The following TNKS variants were observed in gnomAD, a reference collection of about 807,000 sequenced individuals.
The protein encoded by TNKS is tankyrase, also known as poly [ADP-ribose] polymerase tankyrase-1.
In TNKS, 72 loss-of-function variants were observed where a neutral mutation model predicts 135.8. The ratio of observed to expected loss-of-function variants is 0.53; its 90% CI spans 0.44 to 0.64. The LOEUF (loss-of-function observed/expected upper bound fraction) is 0.64, where lower values mean the gene tolerates loss of function less well. TNKS is among the 30% of genes least tolerant of loss of function. The pLI is 0.00. For synonymous variants in TNKS, 849 were observed against 649.3 expected, an observed-to-expected ratio of 1.31 and a Z score of -4.68; for missense variants, 1,769 against 1,674.0, an observed-to-expected ratio of 1.06 and a Z score of -0.99.
chr8:9,687,537 A>G (rs1246679293), intron 5 of TNKS, among the ~76,000 whole-genome samples: 1 of 152,178 alleles, frequency 6.6e-6, no homozygotes, highest in African/African-American at 2.4e-5. Context: ...CTATTTTGTC[A>G]AGCATGACAT....
chr8:9,768,366 G>T (rs773471467), intron 25 of TNKS, among the ~76,000 whole-genome samples: 7 of 152,228 alleles, frequency 4.6e-5, no homozygotes, highest in Non-Finnish European at 8.8e-5. Context: ...TCTCCGGAGA[G>T]GCTGTATCAA....
At chr8:9,682,820 TA>T (rs1563165010) in intron 5 of TNKS, among the ~76,000 whole-genome samples, 2 of 150,922 alleles carry the variant, frequency 1.3e-5, no homozygotes, top group Non-Finnish European at 3.0e-5. Flanking sequence ...AATATTATTA[TA>T]TTAATTTATT....
chr8:9,750,339 G>T (rs956318476), intron 18 of TNKS, among the ~76,000 whole-genome samples: 14 of 152,156 alleles, frequency 9.2e-5, no homozygotes, highest in Non-Finnish European at 1.9e-4. Context: ...AATGTTAGGT[G>T]AATACATTTC....
chr8:9,744,398 G>C (rs1355462885), intron 17 of TNKS, among the ~76,000 whole-genome samples: 1 of 152,062 alleles, frequency 6.6e-6, no homozygotes, highest in Non-Finnish European at 1.5e-5. Flanking sequence ...ATAACATTTG[G>C]GGAATTTCAT....
intron 5 of TNKS, among the ~76,000 whole-genome samples, chr8:9,702,470 T>G (rs1803851333): frequency 6.6e-6 from 1 of 152,192 alleles, no homozygotes. Context: ...GTAACAGATT[T>G]CTAGGCTTGA....
At chr8:9,635,442 C>G (rs1800473860) in intron 3 of TNKS, among the ~76,000 whole-genome samples, 1 of 152,134 alleles carries the variant, frequency 6.6e-6, no homozygotes, top group Admixed American at 6.5e-5. Flanking sequence ...GGAAAATCAC[C>G]ATTTGCAACC....
intron 2 of TNKS, among the ~76,000 whole-genome samples, chr8:9,597,721 C>G (rs1021396424): frequency 4.6e-5 from 7 of 152,256 alleles, no homozygotes; most frequent in Middle Eastern, 3.4e-3. Context: ...GTAAGCAGCT[C>G]TCTTTCAAGC....
chr8:9,652,152 C>T (rs757769011), intron 3 of TNKS, among the ~76,000 whole-genome samples: 6 of 152,130 alleles, frequency 3.9e-5, no homozygotes, highest in Admixed American at 6.5e-5. Context: ...AATAGGTCAC[C>T]AGCTAGAATA....
chr8:9,684,747 A>G (rs918375279), intron 5 of TNKS, among the ~76,000 whole-genome samples: 6 of 152,074 alleles, frequency 3.9e-5, no homozygotes, highest in Non-Finnish European at 7.4e-5. Context: ...CATTCCACCA[A>G]CACTTAATAC....
At chr8:9,769,618 T>C (rs957427546) in intron 25 of TNKS, among the ~76,000 whole-genome samples, 4 of 134,230 alleles carry the variant, frequency 3.0e-5, no homozygotes, top group Non-Finnish European at 6.3e-5. Flanking sequence ...TTTTCTTTTT[T>C]TTTTTTTTTT....
chr8:9,579,564 G>T (rs1347695950), intron 1 of TNKS, among the ~76,000 whole-genome samples: 1 of 152,136 alleles, frequency 6.6e-6, no homozygotes, highest in East Asian at 1.9e-4. Context: ...TGCCTCCCAG[G>T]TTCAAGCGAT....
intron 2 of TNKS, among the ~76,000 whole-genome samples, chr8:9,596,368 CCTT>C (rs1798787765): frequency 6.8e-6 from 1 of 146,854 alleles, no homozygotes; most frequent in South Asian, 2.2e-4. Flanking sequence ...TGTAGGGAGT[CCTT>C]CTTACTTCTC....
chr8:9,759,598 T>C (rs1807034220), intron 20 of TNKS, among the ~76,000 whole-genome samples: 1 of 152,188 alleles, frequency 6.6e-6, no homozygotes, highest in Non-Finnish European at 1.5e-5. Flanking sequence ...CCATTACTCC[T>C]CTAGAACATT....
intron 2 of TNKS, among the ~76,000 whole-genome samples, chr8:9,583,696 C>T (rs1262493609): frequency 2.0e-5 from 3 of 151,952 alleles, no homozygotes; most frequent in Non-Finnish European, 4.4e-5. Context: ...ACCATGTTGG[C>T]CAGGATGCTC....
chr8:9,771,660 G>GGAA (rs1807878849), intron 26 of TNKS, among the ~76,000 whole-genome samples: 1 of 98,796 alleles, frequency 1.0e-5, no homozygotes, highest in Non-Finnish European at 2.1e-5. Context: ...TGAATGGAGG[G>GGAA]GAGAGGCAGG....
At chr8:9,768,312 A>G (rs1807591063) in intron 25 of TNKS, among the ~76,000 whole-genome samples, 1 of 152,214 alleles carries the variant, frequency 6.6e-6, no homozygotes, top group Non-Finnish European at 1.5e-5. Context: ...TGAGCTGGCC[A>G]CAGTCTCATA....
At position 9,779,155 on chromosome 8, in the gene TNKS, A is replaced by C. The variant is rs1808361316; in HGVS notation, c.*2419A>C. The C allele has an allele frequency of 6.6e-6, 1 of 152,606 alleles. No individual in the cohort carries two copies. The highest frequency in any genetic ancestry group is 2.4e-5 in the African/African-American group (1 of 41,438). The allele number at this position is 152,606 out of a possible 1,614,324, so 9.5% of individuals were successfully genotyped here. A position where few individuals can be genotyped will look rare whatever the true frequency, so the allele number is the denominator to read the frequency against. On this transcript the variant is annotated 3_prime_UTR_variant, in exon 27 of 27. Transcript: ENST00000310430. The stretch of plus-strand genomic sequence containing the variant: ...ACTCATCTGCTTAAGAGAGTGGGTT[A>C]ATGGATATATCAGAGGAGCCAAATA...
intron 2 of TNKS, among the ~76,000 whole-genome samples, chr8:9,609,015 C>T (rs900316483): frequency 6.6e-6 from 1 of 152,034 alleles, no homozygotes; most frequent in African/African-American, 2.4e-5. Context: ...AAAATTTTTT[C>T]GTTATATTTT....
intron 3 of TNKS, among the ~76,000 whole-genome samples, chr8:9,640,932 A>T (rs1800702437): frequency 6.9e-6 from 1 of 145,826 alleles, no homozygotes; most frequent in African/African-American, 2.5e-5. Flanking sequence ...CCAGTCATAC[A>T]TTGCCCCTCA....
Sources: allele counts gnomAD v4.1 joint callset (sites outside exome capture counted in the v4.1 genomes callset), GRCh38; gene constraint gnomAD v4.1.1; transcripts MANE v1.5; gene names NCBI Gene and HGNC (gene_info 2026-07-23, HGNC 2026-07-21).